The following CTNNA3 variants were observed in gnomAD, a reference collection of about 807,000 sequenced individuals.
CTNNA3 encodes catenin alpha 3.
Under a neutral mutation model 95.7 loss-of-function variants are expected in CTNNA3, and 76 were observed. The observed-to-expected ratio is 0.79, with a 90% CI of 0.66 to 0.96. The LOEUF is 0.96. CTNNA3 is among the 40% of genes least tolerant of loss of function. CTNNA3 has a pLI of 0.00. For missense variants in CTNNA3, 1,191 were observed against 1,089.8 expected, an observed-to-expected ratio of 1.09 and a Z score of -1.31; for synonymous variants, 431 against 374.4, an observed-to-expected ratio of 1.15 and a Z score of -1.74.
intron 9 of CTNNA3, among the ~76,000 whole-genome samples, chr10:66,663,368 G>T (rs1214762931): frequency 1.3e-5 from 2 of 150,882 alleles, no homozygotes; most frequent in African/African-American, 4.9e-5. Flanking sequence ...CACTCTTTGG[G>T]ACCATCGTCC....
At chr10:66,831,239 G>A (rs2132320676) in intron 7 of CTNNA3, among the ~76,000 whole-genome samples, 1 of 152,282 alleles carries the variant, frequency 6.6e-6, no homozygotes, top group Non-Finnish European at 1.5e-5. Flanking sequence ...ACTCCCCAGT[G>A]ATTCTCTGAT....
chr10:66,621,013 A>C (rs1844726447), intron 10 of CTNNA3, among the ~76,000 whole-genome samples: 1 of 152,172 alleles, frequency 6.6e-6, no homozygotes, highest in Non-Finnish European at 1.5e-5. Context: ...TCATGGCTTC[A>C]AAACCATTTG....
intron 5 of CTNNA3, among the ~76,000 whole-genome samples, chr10:67,231,516 C>T (rs1286086659): frequency 4.6e-5 from 7 of 152,198 alleles, no homozygotes. Flanking sequence ...ACACCAAAAA[C>T]CCATCTGTAC....
intron 5 of CTNNA3, among the ~76,000 whole-genome samples, chr10:67,356,608 C>G (rs1185301669): frequency 6.6e-6 from 1 of 152,024 alleles, no homozygotes; most frequent in African/African-American, 2.4e-5. Flanking sequence ...CCCTCCATGA[C>G]CTCAACTCCA....
chr10:66,613,331 C>A (rs1844393990), intron 10 of CTNNA3, among the ~76,000 whole-genome samples: 1 of 152,034 alleles, frequency 6.6e-6, no homozygotes, highest in Non-Finnish European at 1.5e-5. Context: ...TTTCTCAGAA[C>A]TGCTCCACTG....
At chr10:66,995,771 C>A (rs1851292382) in intron 7 of CTNNA3, among the ~76,000 whole-genome samples, 1 of 152,140 alleles carries the variant, frequency 6.6e-6, no homozygotes, top group African/African-American at 2.4e-5. Context: ...TTGCCTTTAA[C>A]CTGATGAATT....
At chr10:66,941,620 G>A (rs1181651093) in intron 7 of CTNNA3, among the ~76,000 whole-genome samples, 5 of 152,132 alleles carry the variant, frequency 3.3e-5, no homozygotes, top group Non-Finnish European at 7.3e-5. Flanking sequence ...ATAAACTGCA[G>A]AACACGATAT....
intron 7 of CTNNA3, among the ~76,000 whole-genome samples, chr10:67,028,446 TA>T (rs528843870): frequency 5.0e-4 from 74 of 147,134 alleles, no homozygotes; most frequent in East Asian, 1.6e-3. Flanking sequence ...CAGTCTTTAT[TA>T]AAAAAAAAAA....
intron 7 of CTNNA3, among the ~76,000 whole-genome samples, chr10:67,034,508 C>T (rs752407854): frequency 2.6e-5 from 4 of 152,132 alleles, no homozygotes; most frequent in Admixed American, 1.3e-4. Flanking sequence ...CTTTCTGGTT[C>T]CTGGGTATTG....
Position 67,077,756 on chromosome 10 carries a change from C to T in CTNNA3, c.1047+102561G>A, listed in dbSNP as rs143321958. ...TATTTCTATTTATTCGCTCATCTCA[C>T]TAGCACCTAAGACAGTAGGTGGCAT... is the stretch of plus-strand genomic sequence containing the variant. On this transcript the variant is annotated intron_variant, in intron 7 of 17. Transcript: ENST00000433211. 3.8e-3 allele frequency among the ~76,000 whole-genome samples: 581 copies of T among 152,204 alleles called. 5 individuals are homozygous for T. Among genetic ancestry groups the T allele is most frequent in the African/African-American group, 0.013 (557 of 41,508 alleles).
intron 9 of CTNNA3, among the ~76,000 whole-genome samples, chr10:66,696,687 C>T (rs775023673): frequency 3.3e-5 from 5 of 151,990 alleles, no homozygotes; most frequent in African/African-American, 9.7e-5. Context: ...AATCCCAACA[C>T]TTTGGGAGGC....
At chr10:67,345,196 T>C (rs922746628) in intron 5 of CTNNA3, among the ~76,000 whole-genome samples, 45 of 152,266 alleles carry the variant, frequency 3.0e-4, no homozygotes, top group African/African-American at 1.0e-3. Flanking sequence ...TTTCTTGTGG[T>C]CAGAGAAGAT....
At chr10:66,451,623 T>TTAGTTTTA (rs2093465516) in intron 11 of CTNNA3, among the ~76,000 whole-genome samples, 1 of 152,152 alleles carries the variant, frequency 6.6e-6, no homozygotes, top group Non-Finnish European at 1.5e-5. Flanking sequence ...TTAAGTATTT[T>TTAGTTTTA]TAGTTTTAAG....
intron 15 of CTNNA3, among the ~76,000 whole-genome samples, chr10:65,989,312 T>A (rs2078491345): frequency 6.6e-6 from 1 of 152,190 alleles, no homozygotes; most frequent in South Asian, 2.1e-4. Flanking sequence ...TATTTTTTAA[T>A]GCCAGCCTAT....
At chr10:67,390,304 G>A (rs535707562) in intron 5 of CTNNA3, among the ~76,000 whole-genome samples, 1 of 152,164 alleles carries the variant, frequency 6.6e-6, no homozygotes, top group Non-Finnish European at 1.5e-5. Flanking sequence ...AGAAAATCTA[G>A]AAGAAATGGA....
chr10:66,155,010 T>C (rs2084417370), intron 13 of CTNNA3, among the ~76,000 whole-genome samples: 1 of 151,612 alleles, frequency 6.6e-6, no homozygotes. Context: ...ACTTTACCAT[T>C]GTAGCACAAA....
At chr10:67,440,896 C>G (rs1425754291) in intron 5 of CTNNA3, among the ~76,000 whole-genome samples, 6 of 151,932 alleles carry the variant, frequency 3.9e-5, no homozygotes, top group African/African-American at 1.5e-4. Flanking sequence ...CAGACACTGA[C>G]AAATACCCAC....
chr10:66,464,907 T>C (rs1838843290), intron 11 of CTNNA3, among the ~76,000 whole-genome samples: 1 of 152,118 alleles, frequency 6.6e-6, no homozygotes, highest in Non-Finnish European at 1.5e-5. Context: ...GATCTCAACT[T>C]TTAAACATAA....
intron 12 of CTNNA3, among the ~76,000 whole-genome samples, chr10:66,293,593 C>G (rs7898688): frequency 0.024 from 3,610 of 151,762 alleles, 78 homozygotes; most frequent in Non-Finnish European, 0.033. Context: ...CTTGATCTGC[C>G]TTAAAATTTC....
Sources: gnomAD v4.1 joint callset for allele counts (sites outside exome capture counted in the v4.1 genomes callset) on GRCh38, gnomAD v4.1.1 for gene constraint, MANE v1.5 for transcripts, NCBI Gene and HGNC (gene_info 2026-07-23, HGNC 2026-07-21) for gene names.